ST6GALNAC5: variants seen among roughly 807,000 people sequenced by gnomAD.
ST6GALNAC5 encodes ST6 N-acetylgalactosaminide alpha-2,6-sialyltransferase 5.
Under a neutral mutation model 33.6 loss-of-function variants are expected in ST6GALNAC5, and 27 were observed. The observed-to-expected ratio is 0.80, with a 90% CI of 0.59 to 1.11. The LOEUF is 1.11. Ranked by LOEUF, ST6GALNAC5 falls within the 50% of genes least tolerant of loss-of-function variation. The pLI is 0.00. For missense variants in ST6GALNAC5, 428 were observed against 454.0 expected (o/e 0.94, Z 0.52); for synonymous variants, 194 against 171.2 (o/e 1.13, Z -1.04).
chr1:76,890,531 A>T (rs924325670), intron 2 of ST6GALNAC5, among the ~76,000 whole-genome samples: 8 of 142,578 alleles, frequency 5.6e-5, no homozygotes, highest in African/African-American at 2.1e-4. Flanking sequence ...TCATTATGCT[A>T]GATTTTTACT....
intron 2 of ST6GALNAC5, among the ~76,000 whole-genome samples, chr1:76,984,232 T>C (rs920774310): frequency 1.3e-5 from 2 of 152,154 alleles, no homozygotes; most frequent in African/African-American, 4.8e-5. Flanking sequence ...AGCTGGTTTT[T>C]TGAAAAGATT....
At chr1:76,963,626 C>T (rs900783036) in intron 2 of ST6GALNAC5, among the ~76,000 whole-genome samples, 142 of 152,304 alleles carry the variant, frequency 9.3e-4, no homozygotes, top group Non-Finnish European at 3.7e-4. Flanking sequence ...CAGAAGCACT[C>T]AGGCTGCTTC....
At chr1:77,003,441 A>C (rs1043493218) in intron 2 of ST6GALNAC5, among the ~76,000 whole-genome samples, 1 of 149,854 alleles carries the variant, frequency 6.7e-6, no homozygotes, top group Non-Finnish European at 1.5e-5. Flanking sequence ...TTGACTCTTT[A>C]TCCAATTTGC....
chr1:76,868,849 G>A lies in ST6GALNAC5; in HGVS notation c.261+107G>A. ...GAGGCGCTGTGAGTAGGTGCCGTTCGAAGGCTGGAGGGGAGTGGACCCGCT... is the reference window on the plus strand; with the variant it reads ...GAGGCGCTGTGAGTAGGTGCCGTTCAAAGGCTGGAGGGGAGTGGACCCGCT... On this transcript the variant is annotated intron_variant, in intron 2 of 4. Coordinates refer to ENST00000477717, the MANE Select transcript of ST6GALNAC5 (RefSeq NM_030965.3). The surrounding 1 kb of genome is among the most constrained non-coding windows in gnomAD (Gnocchi z 4.3). 1 of 1,418,388 alleles carries A rather than the reference G, an allele frequency of 7.1e-7. No homozygotes were observed. Among genetic ancestry groups the A allele is most frequent in the Non-Finnish European group, 9.2e-7 (1 of 1,090,974 alleles). The allele number at this position is 1,418,388 out of a possible 1,614,324, so 87.9% of individuals were successfully genotyped here.
intron 2 of ST6GALNAC5, among the ~76,000 whole-genome samples, chr1:76,980,519 A>C (rs553076951): frequency 6.6e-6 from 1 of 152,162 alleles, no homozygotes; most frequent in African/African-American, 2.4e-5. Flanking sequence ...GTCATTTAGC[A>C]CTATATATTT....
chr1:77,030,959 G>A (rs767927686), intron 2 of ST6GALNAC5, among the ~76,000 whole-genome samples: 1 of 152,084 alleles, frequency 6.6e-6, no homozygotes, highest in Non-Finnish European at 1.5e-5. Flanking sequence ...GTTGTGTCTG[G>A]GCAGTCTGCC....
At chr1:77,003,785 A>T (rs2100414136) in intron 2 of ST6GALNAC5, among the ~76,000 whole-genome samples, 1 of 150,818 alleles carries the variant, frequency 6.6e-6, no homozygotes, top group South Asian at 2.2e-4. Flanking sequence ...TTCTGGGTGG[A>T]AAATTCTTTT....
chr1:77,020,706 C>A (rs1651019514), intron 2 of ST6GALNAC5, among the ~76,000 whole-genome samples: 1 of 152,170 alleles, frequency 6.6e-6, no homozygotes, highest in African/African-American at 2.4e-5. Context: ...CGGCCTTATG[C>A]CATGCCTCTT....
intron 2 of ST6GALNAC5, among the ~76,000 whole-genome samples, chr1:76,971,615 A>G (rs1203672537): frequency 6.6e-6 from 1 of 152,116 alleles, no homozygotes; most frequent in Non-Finnish European, 1.5e-5. Context: ...TTGATTGCAT[A>G]GTTTTTATTA....
chr1:76,966,261 G>T (rs980969333), intron 2 of ST6GALNAC5, among the ~76,000 whole-genome samples: 2 of 152,090 alleles, frequency 1.3e-5, no homozygotes, highest in African/African-American at 4.8e-5. Flanking sequence ...ATTTGTTTGT[G>T]TCCTCTTTTA....
At position 77,018,371 on chromosome 1, in the gene ST6GALNAC5, C is replaced by T. The variant is rs550182797; in HGVS notation, c.262-25833C>T. 5.9e-5 allele frequency among the ~76,000 whole-genome samples: 9 copies of T among 152,318 alleles called. No individual in the cohort carries two copies. The East Asian group carries it at 1.2e-3, about 20-fold the overall frequency. On this transcript the variant is annotated intron_variant, in intron 2 of 4. Coordinates refer to ENST00000477717, the MANE Select transcript of ST6GALNAC5 (RefSeq NM_030965.3). ...GCATCTTCTGAGTACTCACCATGCA[C>T]GAGGCACTGTGCCAGGTACAAACAT...
At chr1:76,877,936 T>A (rs1653684811) in intron 2 of ST6GALNAC5, among the ~76,000 whole-genome samples, 2 of 152,232 alleles carry the variant, frequency 1.3e-5, no homozygotes, top group African/African-American at 2.4e-5. Context: ...ACATACCAGG[T>A]ATGAGGAGAT....
rs58440365 is a variant in ST6GALNAC5 at position 76,872,118 on chromosome 1, C to CA, written c.261+3376_261+3377insA. Among the ~76,000 whole-genome samples, 925 of 126,810 alleles carry CA rather than the reference C, an allele frequency of 7.3e-3. 6 individuals are homozygous for CA. Among genetic ancestry groups the CA allele is most frequent in the African/African-American group, 0.03 (868 of 28,654 alleles). The allele number at this position is 126,810 out of a possible 152,430, so 83.2% of individuals were successfully genotyped here. ...ACACACACACACACACACACACACA[C>CA]CACACACATTAAATCAAGAAATACT... On this transcript the variant is annotated intron_variant, in intron 2 of 4. Coordinates refer to ENST00000477717, the MANE Select transcript of ST6GALNAC5 (RefSeq NM_030965.3).
intron 2 of ST6GALNAC5, among the ~76,000 whole-genome samples, chr1:77,041,991 G>T (rs1651846268): frequency 6.6e-6 from 1 of 152,178 alleles, no homozygotes; most frequent in East Asian, 1.9e-4. Context: ...GCACTGTGTT[G>T]GCATCATGGT....
At chr1:77,049,920 A>G (rs1003150643) in intron 3 of ST6GALNAC5, among the ~76,000 whole-genome samples, 4 of 152,222 alleles carry the variant, frequency 2.6e-5, no homozygotes, top group African/African-American at 9.6e-5. Flanking sequence ...GTTAAGAAAG[A>G]GTTGTTAAAC....
chr1:77,005,537 T>C (rs1650372962), intron 2 of ST6GALNAC5, among the ~76,000 whole-genome samples: 1 of 152,260 alleles, frequency 6.6e-6, no homozygotes, highest in South Asian at 2.1e-4. Context: ...TTTTTTATGA[T>C]GGTAAAATAT....
intron 2 of ST6GALNAC5, among the ~76,000 whole-genome samples, chr1:77,031,618 C>T (rs1469213240): frequency 6.6e-6 from 1 of 152,070 alleles, no homozygotes; most frequent in East Asian, 1.9e-4. Context: ...AGTATTTGCT[C>T]CAAATTAAAT....
intron 2 of ST6GALNAC5, among the ~76,000 whole-genome samples, chr1:76,913,460 T>C (rs1215044331): frequency 6.6e-6 from 1 of 152,080 alleles, no homozygotes; most frequent in Non-Finnish European, 1.5e-5. Context: ...ATCTGAATGT[T>C]GGCCTGCCTT....
At chr1:76,902,274 T>C (rs1646824834) in intron 2 of ST6GALNAC5, among the ~76,000 whole-genome samples, 1 of 152,068 alleles carries the variant, frequency 6.6e-6, no homozygotes, top group Admixed American at 6.6e-5. Flanking sequence ...TACAATAGCA[T>C]CTAAAAGAAT....
Sources: gnomAD v4.1 joint callset for allele counts (sites outside exome capture counted in the v4.1 genomes callset) on GRCh38, gnomAD v4.1.1 for gene constraint, Gnocchi (gnomAD v3.1) non-coding constraint, MANE v1.5 for transcripts, NCBI Gene and HGNC (gene_info 2026-07-23, HGNC 2026-07-21) for gene names.